CHMP2B: variants seen among roughly 807,000 people sequenced by gnomAD.
The protein encoded by CHMP2B is charged multivesicular body protein 2B.
A neutral mutation model predicts 29.8 loss-of-function variants in CHMP2B; 22 were observed. The observed-to-expected ratio is 0.74, with a 90% confidence interval of 0.53 to 1.05. CHMP2B has a LOEUF of 1.05. Ranked by LOEUF, CHMP2B falls within the 50% of genes least tolerant of loss-of-function variation. CHMP2B has a pLI of 0.00. For missense variants in CHMP2B, 261 were observed against 252.2 expected (o/e 1.03, Z -0.24); for synonymous variants, 78 against 75.8 (o/e 1.03, Z -0.15).
Position 87,253,844 on chromosome 3 carries a change from T to C in CHMP2B, c.*22T>C. On this transcript the variant is annotated 3_prime_UTR_variant, in exon 6 of 6. Coordinates refer to ENST00000263780, the MANE Select transcript of CHMP2B (RefSeq NM_014043.4). ...TTAGTCAAAAGAAGTCATACTATTT[T>C]GCTTACTTATAATTATGTAGTATAA... The C allele has an allele frequency of 6.4e-7, 1 of 1,563,932 alleles. No individual in the cohort carries two copies.
chr3:87,237,624 C>T (rs945456128), intron 1 of CHMP2B, among the ~76,000 whole-genome samples: 7 of 152,160 alleles, frequency 4.6e-5, no homozygotes, highest in African/African-American at 1.7e-4. Flanking sequence ...ATAGATATTT[C>T]TTAAAAACAG....
intron 1 of CHMP2B, among the ~76,000 whole-genome samples, chr3:87,231,943 T>C (rs1705916178): frequency 6.6e-6 from 1 of 152,164 alleles, no homozygotes; most frequent in Admixed American, 6.5e-5. Context: ...GCTTATTCTG[T>C]CTCTTCTACA....
At chr3:87,240,387 C>T (rs1028666375) in intron 1 of CHMP2B, 13 of 256,900 alleles carry the variant, frequency 5.1e-5, no homozygotes, top group Admixed American at 4.2e-4. Context: ...CTCGGCTCAA[C>T]GCAACCATCA....
Position 87,253,799 on chromosome 3 carries a change from C to T in CHMP2B, c.619C>T (p.Leu207Phe). Residue 207 changes from leucine (L) to phenylalanine (F), a missense_variant, in exon 6 of 6, where the codon CTC becomes TTC. Leu to Phe is a conservative substitution (Grantham distance 22). Transcript: ENST00000263780. ...CTCAGATGAAGAGATTGAACGGCAA[C>T]TCAAGGCTTTAGGAGTAGATTAGTC... ...TISDEEIERQ[L>F]KALGVD 5.0e-6 allele frequency: 8 copies of T among 1,611,900 alleles called. No homozygotes were observed. Among genetic ancestry groups the T allele is most frequent in the Non-Finnish European group, 6.8e-6 (8 of 1,178,422 alleles).
chr3:87,240,607 T>A (rs1706099328), intron 1 of CHMP2B, 92 bp from the exon 2 acceptor site: 1 of 947,614 alleles, frequency 1.1e-6, no homozygotes, highest in Non-Finnish European at 1.7e-6. Flanking sequence ...AATATAAGAT[T>A]TTTTTAAATC....
chr3:87,235,594 A>G (rs1705992434), intron 1 of CHMP2B, among the ~76,000 whole-genome samples: 1 of 152,214 alleles, frequency 6.6e-6, no homozygotes, highest in African/African-American at 2.4e-5. Context: ...TGATACATAT[A>G]GTTACATTAT....
intron 1 of CHMP2B, among the ~76,000 whole-genome samples, chr3:87,234,362 A>C (rs1705961278): frequency 6.6e-6 from 1 of 152,162 alleles, no homozygotes; most frequent in Non-Finnish European, 1.5e-5. Context: ...AAAGGCAGAA[A>C]CACCTTGTGT....
intron 1 of CHMP2B, among the ~76,000 whole-genome samples, chr3:87,228,136 A>G (rs1434411201): frequency 1.3e-5 from 2 of 152,100 alleles, no homozygotes; most frequent in African/African-American, 2.4e-5. Flanking sequence ...TTCATAATGG[A>G]TTTTTCTCCC....
chr3:87,253,918 A>G lies in CHMP2B; in HGVS notation c.*96A>G. On this transcript the variant is annotated 3_prime_UTR_variant, in exon 6 of 6. Transcript: ENST00000263780. ...TTACAAAACACATGTATTTTGCAAA[A>G]AAAAAAAAAATGAAGACCATGAGTG... The G allele has an allele frequency of 2.4e-6, 2 of 826,672 alleles. No individual in the cohort carries two copies. Among genetic ancestry groups the G allele is most frequent in the Non-Finnish European group, 3.9e-6 (2 of 513,978 alleles). 51.2% of individuals were successfully genotyped at this position (826,672 alleles called of 1,614,324 possible). A position where few individuals can be genotyped will look rare whatever the true frequency, so the allele number is the denominator to read the frequency against.
At chr3:87,250,007 T>C in intron 4 of CHMP2B, 30 bp downstream of exon 4, 1 of 1,323,540 alleles carries the variant, frequency 7.6e-7, no homozygotes, top group Non-Finnish European at 1.1e-6. Context: ...ATGAAATTTA[T>C]AGTTTTCTCA....
At chr3:87,243,290 T>A (rs777442191) in intron 2 of CHMP2B, among the ~76,000 whole-genome samples, 1 of 152,082 alleles carries the variant, frequency 6.6e-6, no homozygotes, top group Non-Finnish European at 1.5e-5. Context: ...AATGATGTAT[T>A]TTTTTTAATG....
At chr3:87,249,018 G>A (rs1706266161) in intron 3 of CHMP2B, among the ~76,000 whole-genome samples, 1 of 151,970 alleles carries the variant, frequency 6.6e-6, no homozygotes, top group Non-Finnish European at 1.5e-5. Context: ...TTCATCTTAG[G>A]CAATTTCATC....
chr3:87,253,966 G>A lies in CHMP2B; in HGVS notation c.*144G>A. On this transcript the variant is annotated 3_prime_UTR_variant, in exon 6 of 6. Transcript: ENST00000263780. Reference sequence around the variant, plus strand: ...GTGAACAGTTGTTTCCTAACCCATGGCTATTTAGAATCTTTTGCCAAAGAA... The same window carrying A: ...GTGAACAGTTGTTTCCTAACCCATGACTATTTAGAATCTTTTGCCAAAGAA... 1.6e-6 allele frequency: 1 copy of A among 608,678 alleles called. No individual in the cohort carries two copies. Among genetic ancestry groups the A allele is most frequent in the Non-Finnish European group, 2.9e-6 (1 of 346,272 alleles). 37.7% of individuals were successfully genotyped at this position (608,678 alleles called of 1,614,324 possible).
chr3:87,242,164 A>G (rs141446530), intron 2 of CHMP2B, among the ~76,000 whole-genome samples: 3 of 152,114 alleles, frequency 2.0e-5, no homozygotes, highest in African/African-American at 7.2e-5. Context: ...TAGTTACAAT[A>G]GATTTTTATA....
intron 3 of CHMP2B, among the ~76,000 whole-genome samples, chr3:87,249,331 T>C (rs1024075554): frequency 2.0e-5 from 3 of 152,138 alleles, no homozygotes; most frequent in African/African-American, 4.8e-5. Flanking sequence ...AGAACATGAA[T>C]CTCTTAATGA....
chr3:87,253,170 T>C (rs1706346686), intron 4 of CHMP2B: 1 of 420,738 alleles, frequency 2.4e-6, no homozygotes, highest in Admixed American at 3.9e-5. Flanking sequence ...TAAAAAAGAG[T>C]AGACTTGTTT....
In CHMP2B at chr3:87,254,331, T is replaced by A. The variant is rs1398610514; in HGVS notation, c.*509T>A. On this transcript the variant is annotated 3_prime_UTR_variant, in exon 6 of 6. Coordinates refer to ENST00000263780, the MANE Select transcript of CHMP2B (RefSeq NM_014043.4). Reference sequence around the variant, plus strand: ...AAGAAGAGTGCTATTTAAACATCTGTCTTAAACAAAAACTGTCATAACTTT... The same window carrying A: ...AAGAAGAGTGCTATTTAAACATCTGACTTAAACAAAAACTGTCATAACTTT... 6.5e-6 allele frequency: 1 copy of A among 154,638 alleles called. No homozygotes were observed. Among genetic ancestry groups the A allele is most frequent in the African/African-American group, 2.4e-5 (1 of 41,590 alleles). 9.6% of individuals were successfully genotyped at this position (154,638 alleles called of 1,614,324 possible).
intron 3 of CHMP2B, among the ~76,000 whole-genome samples, chr3:87,248,254 C>T (rs757295974): frequency 2.0e-5 from 3 of 151,448 alleles, no homozygotes; most frequent in Admixed American, 6.6e-5. Context: ...GCTGAGATCA[C>T]GCCACTGCAC....
intron 1 of CHMP2B, among the ~76,000 whole-genome samples, chr3:87,236,023 G>T (rs1335312729): frequency 6.6e-6 from 1 of 152,178 alleles, no homozygotes. Context: ...TAGGTCAAGG[G>T]TCGAAGGTGG....
Sources: gnomAD v4.1 joint callset for allele counts (sites outside exome capture counted in the v4.1 genomes callset) on GRCh38, gnomAD v4.1.1 for gene constraint, MANE v1.5 for transcripts, NCBI Gene and HGNC (gene_info 2026-07-23, HGNC 2026-07-21) for gene names.